Variants in MYH8 observed in about 807,000 individuals in gnomAD.
MYH8 encodes myosin-8.
In MYH8, 168 loss-of-function variants were observed where a neutral mutation model predicts 233.2. The observed-to-expected ratio is 0.72, with a 90% CI of 0.64 to 0.82. The LOEUF (loss-of-function observed/expected upper bound fraction) is 0.82. Ranked by LOEUF, MYH8 falls within the 40% of genes least tolerant of loss-of-function variation. The pLI is 0.00. For missense variants in MYH8, 1,995 were observed against 2,327.8 expected, an observed-to-expected ratio of 0.86 and a Z score of 2.94; for synonymous variants, 785 against 850.6, an observed-to-expected ratio of 0.92 and a Z score of 1.34.
intron 20 of MYH8, 32 bp downstream of exon 20, chr17:10,406,242 C>T (rs1400999838): frequency 6.2e-7 from 1 of 1,614,084 alleles, no homozygotes; most frequent in South Asian, 1.1e-5. Flanking sequence ...GCAGAAGGTA[C>T]TTGGATCAGG....
At chr17:10,413,413 C>T (rs571883579) in intron 12 of MYH8, among the ~76,000 whole-genome samples, 1 of 152,080 alleles carries the variant, frequency 6.6e-6, no homozygotes. Flanking sequence ...TCTTTTTTCT[C>T]AATTCCTTTT....
rs1016250383 is a variant in MYH8 at position 10,406,401 on chromosome 17, C to T, written c.2172-4G>A. The T allele has an allele frequency of 1.2e-6, 2 of 1,613,898 alleles. No homozygotes were observed. The highest frequency in any genetic ancestry group is 1.7e-6 in the Non-Finnish European group (2 of 1,179,896). On this transcript the variant is annotated splice_polypyrimidine_tract_variant and splice_region_variant and intron_variant, in intron 19 of 39. Transcript: ENST00000403437. The stretch of plus-strand genomic sequence containing the variant: ...ACTTGCATTTAAAACCTTGTATCTG[C>T]TCAGTTAAAGAAAGAAAGAATGGTT...
Position 10,406,775 on chromosome 17 carries a change from G to A in MYH8, c.2086C>T (p.Leu696=). The change falls in exon 19 of 40, where the codon CTG becomes TTG. Residue 696 remains leucine, a synonymous_variant. Transcript: ENST00000403437. ...CCTTCCAGCACACCATTACACCTCA[G>A]CTGGTGCAACACAAGTTCATGTTCC... is the stretch of plus-strand genomic sequence containing the variant. ...AMEHELVLHQ[L]RCNGVLEGIR... is the part of the protein sequence containing the mutation. 7 of 1,614,118 alleles carry A rather than the reference G, an allele frequency of 4.3e-6. No homozygotes were observed. In the South Asian group the frequency reaches 7.7e-5, roughly 18 times the overall value.
At chr17:10,392,309 A>AATCTGCCTTTAAAATCTGTGTTCAGT (rs2072033742) in intron 38 of MYH8, among the ~76,000 whole-genome samples, 2 of 152,222 alleles carry the variant, frequency 1.3e-5, no homozygotes, top group Non-Finnish European at 2.9e-5. Context: ...ATACCCAGTT[A>AATCTGCCTTTAAAATCTGTGTTCAGT]ATCTGCCTTT....
rs961502268 is a variant in MYH8 at position 10,412,487 on chromosome 17, G to A, written c.1299C>T (p.Ala433=). The A allele has an allele frequency of 1.1e-5, 17 of 1,614,058 alleles. No homozygotes were observed. In the South Asian group the frequency reaches 1.1e-4, roughly 10 times the overall value. ...TCCACAGGAACATCTTCTCGTAGAC[G>A]GCTTTGGCCAGAGCACCCACCGCAT... ...VYNAVGALAK[A]VYEKMFLWMV... is the part of the protein sequence containing the mutation. The change falls in exon 14 of 40, where the codon GCC becomes GCT. Residue 433 remains alanine, a synonymous_variant. Transcript: ENST00000403437.
At chr17:10,421,314 T>A (rs1016346985) in intron 2 of MYH8, among the ~76,000 whole-genome samples, 1 of 152,198 alleles carries the variant, frequency 6.6e-6, no homozygotes, top group Non-Finnish European at 1.5e-5. Context: ...TTCTGGAGTC[T>A]TTAAAAATGT....
In MYH8 at chr17:10,401,107, C is replaced by T. The variant is rs779438748; in HGVS notation, c.3193G>A (p.Ala1065Thr). 1.1e-5 allele frequency: 17 copies of T among 1,614,008 alleles called. No homozygotes were observed. The African/African-American group carries it at 1.9e-4, about 18-fold the overall frequency. ...KRKLEGDLKL[A>T]QESTMDMEND... ...TCCATATCCATTGTGGATTCTTGGGCCAATTTGAGGTCACCCTCCAGTTTC... is the reference window on the plus strand; with the variant it reads ...TCCATATCCATTGTGGATTCTTGGGTCAATTTGAGGTCACCCTCCAGTTTC... Residue 1065 changes from alanine to threonine, a missense_variant, in exon 25 of 40, where the codon GCC becomes ACC. Coordinates refer to ENST00000403437, the MANE Select transcript of MYH8 (RefSeq NM_002472.3).
chr17:10,401,121 C>T lies in MYH8; in HGVS notation c.3179G>A (p.Gly1060Asp), dbSNP rs1034707927. The change falls in exon 25 of 40, where the codon GGT becomes GAT. Residue 1060 changes from glycine to aspartate, a missense_variant. Gly to Asp is a moderately conservative substitution (Grantham distance 94). This residue lies in a region of MYH8 where 1,498 missense variants were observed against 1,680.9 expected (regional missense o/e 0.89). Transcript: ENST00000403437. ...GGATTCTTGGGCCAATTTGAGGTCACCCTCCAGTTTCCGCTTTGCTCTTTC... is the reference window on the plus strand; with the variant it reads ...GGATTCTTGGGCCAATTTGAGGTCATCCTCCAGTTTCCGCTTTGCTCTTTC... ...DLERAKRKLEGDLKLAQESTM... is the reference protein window; with the variant it reads ...DLERAKRKLEDDLKLAQESTM... The T allele has an allele frequency of 4.3e-6, 7 of 1,614,104 alleles. No homozygotes were observed. The highest frequency in any genetic ancestry group is 5.9e-6 in the Non-Finnish European group (7 of 1,180,012).
chr17:10,394,712 T>C (rs2072064021), intron 34 of MYH8, among the ~76,000 whole-genome samples: 1 of 152,246 alleles, frequency 6.6e-6, no homozygotes. Flanking sequence ...TGGAGCAGTT[T>C]CCATATGCTC....
chr17:10,408,553 T>C (rs1329646605), intron 17 of MYH8, among the ~76,000 whole-genome samples: 1 of 152,230 alleles, frequency 6.6e-6, no homozygotes, highest in Non-Finnish European at 1.5e-5. Context: ...GAAAATCACA[T>C]TACTTTGTAG....
chr17:10,410,510 C>G (rs2072234864), intron 15 of MYH8, among the ~76,000 whole-genome samples: 1 of 152,208 alleles, frequency 6.6e-6, no homozygotes, highest in South Asian at 2.1e-4. Context: ...TGTAGTAAAG[C>G]AGAACATCTC....
chr17:10,411,895 G>A (rs1352856664), intron 14 of MYH8, among the ~76,000 whole-genome samples: 2 of 152,142 alleles, frequency 1.3e-5, no homozygotes, highest in African/African-American at 2.4e-5. Context: ...AGGTAAAATA[G>A]TTTATGTAAG....
intron 15 of MYH8, among the ~76,000 whole-genome samples, chr17:10,410,225 G>T (rs192473021): frequency 5.7e-4 from 87 of 152,232 alleles, no homozygotes; most frequent in Admixed American, 2.3e-3. Flanking sequence ...GATCGCTTGA[G>T]CCTTGGGGTT....
intron 35 of MYH8, 126 bp from the exon 36 acceptor site, chr17:10,393,336 G>A: frequency 7.7e-7 from 1 of 1,301,864 alleles, no homozygotes; most frequent in South Asian, 1.2e-5. Flanking sequence ...TTAATTATTT[G>A]TTCAGTGGAA....
intron 17 of MYH8, among the ~76,000 whole-genome samples, chr17:10,408,872 A>G (rs1014294865): frequency 4.1e-4 from 62 of 152,216 alleles, no homozygotes; most frequent in African/African-American, 1.4e-3. Context: ...GAAAGTTTCT[A>G]AGGGCATTTT....
chr17:10,410,651 A>G, intron 15 of MYH8, 126 bp downstream of exon 15: 1 of 1,462,810 alleles, frequency 6.8e-7, no homozygotes, highest in Non-Finnish European at 9.6e-7. Context: ...AGTAATTTCT[A>G]AATAGTAATT....
intron 22 of MYH8, among the ~76,000 whole-genome samples, chr17:10,403,913 C>G (rs1401570503): frequency 6.6e-6 from 1 of 152,064 alleles, no homozygotes; most frequent in African/African-American, 2.4e-5. Context: ...ATTTATTGAG[C>G]TAAATCTTGG....
rs1192396681 is a variant in MYH8, at chr17:10,401,460, G to T, written c.2932-9C>A. The T allele has an allele frequency of 1.9e-6, 3 of 1,614,000 alleles. No homozygotes were observed. The highest frequency in any genetic ancestry group is 1.7e-5 in the Admixed American group (1 of 60,012). The stretch of plus-strand genomic sequence containing the variant: ...TCTGTAAGATTTTTCACCTACAAAG[G>T]TTAAGAAAGAGATTATTTCTCCTAT... On this transcript the variant is annotated splice_polypyrimidine_tract_variant and intron_variant, in intron 23 of 39. Transcript: ENST00000403437.
intron 14 of MYH8, among the ~76,000 whole-genome samples, chr17:10,411,328 A>T (rs767868041): frequency 7.9e-5 from 12 of 151,550 alleles, no homozygotes; most frequent in Non-Finnish European, 1.8e-4. Flanking sequence ...GTGAGCTGAG[A>T]TCGCGCCACT....
Sources: allele counts gnomAD v4.1 joint callset (sites outside exome capture counted in the v4.1 genomes callset), GRCh38; gene constraint gnomAD v4.1.1; regional missense constraint gnomAD v4.1.1; transcripts MANE v1.5; gene names NCBI Gene and HGNC (gene_info 2026-07-23, HGNC 2026-07-21).